Variants in ULK4 observed in about 807,000 individuals in gnomAD.
The protein encoded by ULK4 is inactive serine/threonine-protein kinase ULK4.
Under a neutral mutation model 160.6 loss-of-function variants are expected in ULK4, and 133 were observed. The observed-to-expected ratio is 0.83, with a 90% CI of 0.72 to 0.96. ULK4 has a LOEUF of 0.96. ULK4 is among the 40% of genes least tolerant of loss of function. The pLI is 0.00. For synonymous variants in ULK4, 534 were observed against 539.8 expected (o/e 0.99, Z 0.15); for missense variants, 1,580 against 1,499.5 (o/e 1.05, Z -0.89).
At chr3:41,707,237 A>AC (rs2036934082) in intron 25 of ULK4, among the ~76,000 whole-genome samples, 1 of 152,200 alleles carries the variant, frequency 6.6e-6, no homozygotes, top group Non-Finnish European at 1.5e-5. Context: ...AATGCTAGAA[A>AC]ACATAAGACC....
chr3:41,613,886 G>A (rs2032828145), intron 31 of ULK4, among the ~76,000 whole-genome samples: 1 of 152,210 alleles, frequency 6.6e-6, no homozygotes, highest in Non-Finnish European at 1.5e-5. Flanking sequence ...ATGCCTGCAA[G>A]GCCATAGGGC....
intron 29 of ULK4, among the ~76,000 whole-genome samples, chr3:41,675,291 G>A (rs1346001858): frequency 1.3e-5 from 2 of 151,742 alleles, no homozygotes; most frequent in Non-Finnish European, 2.9e-5. Context: ...AACCCAAGAT[G>A]AGATCATCCT....
At chr3:41,869,317 A>G (rs1430433618) in intron 17 of ULK4, among the ~76,000 whole-genome samples, 1 of 152,158 alleles carries the variant, frequency 6.6e-6, no homozygotes, top group Non-Finnish European at 1.5e-5. Context: ...GCTCGTGCCT[A>G]TAATCCCGGC....
intron 18 of ULK4, among the ~76,000 whole-genome samples, chr3:41,831,514 A>ATT: frequency 7.8e-6 from 1 of 127,552 alleles, no homozygotes; most frequent in African/African-American, 3.5e-5. Context: ...TTTTATTGTT[A>ATT]TTTTATATAT....
At chr3:41,374,299 C>G (rs921305865) in intron 35 of ULK4, among the ~76,000 whole-genome samples, 1 of 152,154 alleles carries the variant, frequency 6.6e-6, no homozygotes, top group Non-Finnish European at 1.5e-5. Context: ...AGGCCAGCAT[C>G]ATCCTGATAC....
intron 34 of ULK4, among the ~76,000 whole-genome samples, chr3:41,403,280 T>G (rs2125820084): frequency 6.6e-6 from 1 of 152,342 alleles, no homozygotes; most frequent in East Asian, 1.9e-4. Context: ...AAATTCAATT[T>G]CTTTAATGAT....
chr3:41,447,168 G>T (rs146163009), intron 34 of ULK4, among the ~76,000 whole-genome samples: 20 of 149,304 alleles, frequency 1.3e-4, no homozygotes, highest in African/African-American at 4.9e-4. Context: ...CATGACCCAC[G>T]TTTCACAGTT....
chr3:41,303,859 G>A (rs1449455706), intron 35 of ULK4, among the ~76,000 whole-genome samples: 1 of 152,112 alleles, frequency 6.6e-6, no homozygotes, highest in African/African-American at 2.4e-5. Flanking sequence ...AGAGGTCGGG[G>A]CAGGGTGGGG....
intron 32 of ULK4, among the ~76,000 whole-genome samples, chr3:41,563,132 A>G (rs577322323): frequency 6.6e-6 from 1 of 152,294 alleles, no homozygotes; most frequent in Non-Finnish European, 1.5e-5. Context: ...TAGTTTGGCC[A>G]GATAGGAAAT....
intron 21 of ULK4, among the ~76,000 whole-genome samples, chr3:41,771,949 T>C (rs929426979): frequency 2.0e-5 from 3 of 152,128 alleles, no homozygotes; most frequent in Non-Finnish European, 4.4e-5. Flanking sequence ...AACGGAAGCC[T>C]CTGTCCTGCC....
chr3:41,740,779 T>A (rs1176725090), intron 22 of ULK4, among the ~76,000 whole-genome samples: 1 of 151,916 alleles, frequency 6.6e-6, no homozygotes, highest in Non-Finnish European at 1.5e-5. Context: ...CAGTTGCTAG[T>A]GCAGTTTCAA....
chr3:41,313,690 T>C (rs1484255059), intron 35 of ULK4, among the ~76,000 whole-genome samples: 1 of 152,248 alleles, frequency 6.6e-6, no homozygotes, highest in Non-Finnish European at 1.5e-5. Context: ...ACTAAGGTGC[T>C]GCTTTAGTTA....
intron 19 of ULK4, among the ~76,000 whole-genome samples, chr3:41,813,301 A>T (rs1270570510): frequency 3.9e-5 from 6 of 152,204 alleles, no homozygotes; most frequent in Admixed American, 3.3e-4. Context: ...CTTAAAATTT[A>T]AAAAATAATA....
chr3:41,942,699 C>G (rs1446179243), intron 2 of ULK4, among the ~76,000 whole-genome samples: 2 of 151,984 alleles, frequency 1.3e-5, no homozygotes, highest in Non-Finnish European at 2.9e-5. Flanking sequence ...TGCCTGTAAC[C>G]CCAGCTACTC....
At chr3:41,274,077 G>A (rs1451742946) in intron 35 of ULK4, among the ~76,000 whole-genome samples, 1 of 151,932 alleles carries the variant, frequency 6.6e-6, no homozygotes, top group Non-Finnish European at 1.5e-5. Flanking sequence ...TCCATATGCT[G>A]TGGCCTGTAA....
chr3:41,589,264 A>C (rs1479801740), intron 31 of ULK4, among the ~76,000 whole-genome samples: 1 of 152,034 alleles, frequency 6.6e-6, no homozygotes, highest in Non-Finnish European at 1.5e-5. Context: ...AGAGTCCAGC[A>C]ATCTAGATTA....
chr3:41,679,140 A>G (rs934354239), intron 29 of ULK4, among the ~76,000 whole-genome samples: 1 of 152,194 alleles, frequency 6.6e-6, no homozygotes, highest in African/African-American at 2.4e-5. Context: ...ATTCATTTCC[A>G]TGAAGTATGT....
intron 32 of ULK4, among the ~76,000 whole-genome samples, chr3:41,483,631 A>G (rs957588028): frequency 6.6e-6 from 1 of 152,206 alleles, no homozygotes; most frequent in Non-Finnish European, 1.5e-5. Context: ...TGTTTTGAGA[A>G]TGTGGAATGC....
At chr3:41,926,173 G>C (rs1005050953) in intron 5 of ULK4, among the ~76,000 whole-genome samples, 1 of 152,214 alleles carries the variant, frequency 6.6e-6, no homozygotes, top group East Asian at 1.9e-4. Context: ...AATATGGGCT[G>C]TTCTGCAGCC....
Sources: allele counts gnomAD v4.1 joint callset (sites outside exome capture counted in the v4.1 genomes callset), GRCh38; gene constraint gnomAD v4.1.1; transcripts MANE v1.5; gene names NCBI Gene and HGNC (gene_info 2026-07-23, HGNC 2026-07-21).